Variants in DAB1 observed in about 807,000 individuals in gnomAD.
DAB1 encodes the protein DAB adaptor protein 1, also known as disabled homolog 1.
A neutral mutation model predicts 64.6 loss-of-function variants in DAB1; 15 were observed. That is an observed-to-expected ratio of 0.23 (90% confidence interval 0.16 to 0.36). The LOEUF (loss-of-function observed/expected upper bound fraction) is 0.36. DAB1 is among the 10% of genes least tolerant of loss of function. The pLI is 1.00. For synonymous variants in DAB1, 235 were observed against 251.9 expected (o/e 0.93, Z 0.64); for missense variants, 596 against 706.7 (o/e 0.84, Z 1.78).
chr1:57,338,628 G>A (rs370564319), intron 1 of DAB1, among the ~76,000 whole-genome samples: 1 of 152,178 alleles, frequency 6.6e-6, no homozygotes, highest in Non-Finnish European at 1.5e-5. Flanking sequence ...AAACCCATAT[G>A]TAGTATCTAT....
chr1:57,782,458 G>A (rs1163640614), intron 6 of DAB1, among the ~76,000 whole-genome samples: 3 of 151,970 alleles, frequency 2.0e-5, no homozygotes, highest in African/African-American at 4.8e-5. Flanking sequence ...ACGATGTCTC[G>A]ATCTGTGCAA....
intron 6 of DAB1, among the ~76,000 whole-genome samples, chr1:57,678,280 C>G (rs59092794): frequency 6.6e-6 from 1 of 152,140 alleles, no homozygotes; most frequent in East Asian, 1.9e-4. Context: ...CCCATTAATC[C>G]ACTCAGAGAG....
At chr1:58,224,424 C>T (rs569946187) in intron 4 of DAB1, among the ~76,000 whole-genome samples, 11 of 152,260 alleles carry the variant, frequency 7.2e-5, no homozygotes, top group South Asian at 4.2e-4. Context: ...AACAATGATG[C>T]TTATTGATAA....
intron 14 of DAB1, among the ~76,000 whole-genome samples, chr1:56,998,794 A>AG (rs34183238): frequency 6.6e-6 from 1 of 152,166 alleles, no homozygotes; most frequent in Non-Finnish European, 1.5e-5. Context: ...GCCTGCACCC[A>AG]GGGGGCTGTC....
intron 1 of DAB1, among the ~76,000 whole-genome samples, chr1:57,328,312 C>G (rs1676355066): frequency 6.6e-6 from 1 of 152,166 alleles, no homozygotes; most frequent in African/African-American, 2.4e-5. Context: ...GAGTTTTCAT[C>G]TCGCTTGCCA....
At chr1:57,977,864 G>T (rs1645959210) in intron 5 of DAB1, among the ~76,000 whole-genome samples, 1 of 152,136 alleles carries the variant, frequency 6.6e-6, no homozygotes, top group Non-Finnish European at 1.5e-5. Context: ...CAAGGAATAT[G>T]AAGGACCTCT....
At chr1:57,294,142 C>T (rs1349468458) in intron 1 of DAB1, among the ~76,000 whole-genome samples, 1 of 152,186 alleles carries the variant, frequency 6.6e-6, no homozygotes, top group African/African-American at 2.4e-5. Context: ...AGATTAAAGT[C>T]CTCCAGGGCC....
intron 4 of DAB1, among the ~76,000 whole-genome samples, chr1:58,304,969 T>C (rs934904681): frequency 1.3e-5 from 2 of 152,200 alleles, no homozygotes; most frequent in South Asian, 2.1e-4. Flanking sequence ...GTTCTTTTTT[T>C]AATTTTTAAT....
Position 57,040,564 on chromosome 1 carries a change from G to A in DAB1, c.724-14521C>T, listed in dbSNP as rs76645299. ...TTCCCTTGCCTTATCTCCTTTGTGAGGGGAAGGATCAGGCTGCAAGATGGC... is the reference window on the plus strand; with the variant it reads ...TTCCCTTGCCTTATCTCCTTTGTGAAGGGAAGGATCAGGCTGCAAGATGGC... On this transcript the variant is annotated intron_variant, in intron 9 of 14. Coordinates refer to ENST00000371236, the MANE Select transcript of DAB1 (RefSeq NM_001365792.1). Among the ~76,000 whole-genome samples, 1,313 of 152,258 alleles carry A rather than the reference G, an allele frequency of 8.6e-3. 12 individuals carry two copies. Among genetic ancestry groups the A allele is most frequent in the Non-Finnish European group, 0.015 (1,016 of 68,028 alleles).
At chr1:58,373,806 G>C (rs1644295821) in intron 3 of DAB1, among the ~76,000 whole-genome samples, 3 of 150,826 alleles carry the variant, frequency 2.0e-5, no homozygotes, top group East Asian at 2.0e-4. Flanking sequence ...CAGTGTAAAA[G>C]TGTTCCTATT....
At chr1:58,068,561 C>G (rs1035963225) in intron 5 of DAB1, among the ~76,000 whole-genome samples, 1 of 151,816 alleles carries the variant, frequency 6.6e-6, no homozygotes, top group Non-Finnish European at 1.5e-5. Context: ...GTCAGGAGAT[C>G]GAGACCATCC....
At position 57,899,950 on chromosome 1, in the gene DAB1, AT is replaced by A. The variant is rs1179010368; in HGVS notation, n.388-15789del. ...GTTTATCTTTTTCTTTTTTTTTTTT[AT>A]TTTTTAGAGACAGGGTCTCACTTTG... is the stretch of plus-strand genomic sequence containing the variant. On this transcript the variant is annotated intron_variant and non_coding_transcript_variant, in intron 5 of 20. Transcript: ENST00000485760. Among the ~76,000 whole-genome samples the A allele has an allele frequency of 2.3e-5, 3 of 129,976 alleles. No individual in the cohort carries two copies. The East Asian group carries it at 6.5e-4, about 28-fold the overall frequency. The allele number at this position is 129,976 out of a possible 152,430, so 85.3% of individuals were successfully genotyped here.
At chr1:57,318,155 C>CAAAAA (rs3042914) in intron 1 of DAB1, among the ~76,000 whole-genome samples, 20 of 103,348 alleles carry the variant, frequency 1.9e-4, no homozygotes, top group Non-Finnish European at 2.2e-4. Flanking sequence ...AGCTGCAACT[C>CAAAAA]AAAAAAAAAA....
At chr1:58,338,585 G>A (rs985099789) in intron 4 of DAB1, among the ~76,000 whole-genome samples, 1 of 152,158 alleles carries the variant, frequency 6.6e-6, no homozygotes, top group Non-Finnish European at 1.5e-5. Context: ...CCACAACTCA[G>A]TCTTCGAATA....
chr1:57,740,766 A>G (rs79161443), intron 6 of DAB1, among the ~76,000 whole-genome samples: 18,674 of 152,246 alleles, frequency 0.12, 1,475 homozygotes, highest in East Asian at 0.41. Flanking sequence ...TCTTCCACGC[A>G]CTGGGCTGTG....
chr1:58,489,627 AACAG>A lies in DAB1; in HGVS notation n.257+16429_257+16432del, dbSNP rs1176963429. Reference sequence around the variant, plus strand: ...CCCAGCATGCAGCTTGAGATCTGAGAACAGACAGACTGCCTCCTCAAGTGGGTCC... The same window carrying A: ...CCCAGCATGCAGCTTGAGATCTGAGAACAGACTGCCTCCTCAAGTGGGTCC... On this transcript the variant is annotated intron_variant and non_coding_transcript_variant, in intron 3 of 20. Transcript: ENST00000485760. Among the ~76,000 whole-genome samples the A allele has an allele frequency of 3.3e-5, 5 of 152,274 alleles. No homozygotes were observed. The South Asian group carries it at 1.0e-3, about 32-fold the overall frequency.
At chr1:58,095,975 A>G (rs957285960) in intron 5 of DAB1, among the ~76,000 whole-genome samples, 21 of 152,232 alleles carry the variant, frequency 1.4e-4, no homozygotes, top group African/African-American at 3.6e-4. Flanking sequence ...TTAGAAGAAC[A>G]TACATGGACT....
intron 7 of DAB1, among the ~76,000 whole-genome samples, chr1:57,626,864 A>G (rs1418510085): frequency 6.6e-6 from 1 of 152,058 alleles, no homozygotes; most frequent in African/African-American, 2.4e-5. Flanking sequence ...GCCTCCTAAT[A>G]CTATCACCTT....
intron 3 of DAB1, among the ~76,000 whole-genome samples, chr1:58,353,606 A>G (rs1644080040): frequency 6.6e-6 from 1 of 152,192 alleles, no homozygotes; most frequent in Admixed American, 6.5e-5. Context: ...AAAATACCAC[A>G]AAACACATAC....
Sources: allele counts gnomAD v4.1 joint callset (sites outside exome capture counted in the v4.1 genomes callset), GRCh38; gene constraint gnomAD v4.1.1; transcripts MANE v1.5; gene names NCBI Gene and HGNC (gene_info 2026-07-23, HGNC 2026-07-21).